The following SERPINB7 variants were observed in gnomAD, a reference collection of about 807,000 sequenced individuals.
SERPINB7 encodes serpin family B member 7.
A neutral mutation model predicts 37.4 loss-of-function variants in SERPINB7; 31 were observed. The ratio of observed to expected loss-of-function variants is 0.83; its 90% CI spans 0.62 to 1.12. The LOEUF (loss-of-function observed/expected upper bound fraction) is 1.12, where lower values mean the gene tolerates loss of function less well. SERPINB7 is among the 50% of genes most tolerant of loss of function. The pLI is 0.00. For missense variants in SERPINB7, 521 were observed against 455.3 expected (o/e 1.14, Z -1.31); for synonymous variants, 163 against 166.1 (o/e 0.98, Z 0.14).
intron 7 of SERPINB7, 30 bp from the exon 8 acceptor site, chr18:63,804,207 T>C: frequency 6.8e-7 from 1 of 1,468,910 alleles, no homozygotes; most frequent in Non-Finnish European, 9.2e-7. Context: ...GACCATATGA[T>C]TCTAAATTAT....
chr18:63,754,974 A>G (rs1192794480), intron 1 of SERPINB7, among the ~76,000 whole-genome samples: 4 of 133,880 alleles, frequency 3.0e-5, no homozygotes, highest in African/African-American at 1.1e-4. Flanking sequence ...ATCTCGGCTC[A>G]CTGCAAGCTC....
upstream of SERPINB7, among the ~76,000 whole-genome samples, chr18:63,770,426 A>G (rs1316678290): frequency 1.3e-5 from 2 of 151,884 alleles, no homozygotes; most frequent in African/African-American, 2.4e-5. Context: ...GCTTTTGTCC[A>G]GAAGTTTTAG....
At chr18:63,784,567 A>T (rs1354501081) in intron 2 of SERPINB7, among the ~76,000 whole-genome samples, 1 of 152,206 alleles carries the variant, frequency 6.6e-6, no homozygotes, top group Non-Finnish European at 1.5e-5. Flanking sequence ...AAATTTATTC[A>T]TTCATAAAAA....
Position 63,795,505 on chromosome 18 carries a change from G to A in SERPINB7, c.337-761G>A, listed in dbSNP as rs2049477280. Reference sequence around the variant, plus strand: ...GAACCCAGGAGGCAGATGTTGCAGTGAGCTGACATCACGCCATTGCACTCC... The same window carrying A: ...GAACCCAGGAGGCAGATGTTGCAGTAAGCTGACATCACGCCATTGCACTCC... On this transcript the variant is annotated intron_variant, in intron 4 of 7. Transcript: ENST00000398019. Among the ~76,000 whole-genome samples, 3 of 151,080 alleles carry A rather than the reference G, an allele frequency of 2.0e-5. No individual in the cohort carries two copies. In the South Asian group the frequency reaches 6.3e-4, roughly 32 times the overall value.
chr18:63,795,613 G>A (rs1448188917), intron 4 of SERPINB7, among the ~76,000 whole-genome samples: 1 of 151,820 alleles, frequency 6.6e-6, no homozygotes, highest in East Asian at 1.9e-4. Flanking sequence ...GAAAGTGTGG[G>A]TGGAACCTAG....
chr18:63,789,912 A>G (rs918650831), intron 2 of SERPINB7, among the ~76,000 whole-genome samples: 1 of 152,164 alleles, frequency 6.6e-6, no homozygotes, highest in Admixed American at 6.5e-5. Context: ...CTCTTCTATA[A>G]ATCAAATGCT....
intron 1 of SERPINB7, among the ~76,000 whole-genome samples, chr18:63,759,848 C>G (rs1320280673): frequency 1.3e-5 from 2 of 152,182 alleles, no homozygotes; most frequent in Non-Finnish European, 2.9e-5. Flanking sequence ...AAGTGCTTCT[C>G]ACCTCCCCCC....
chr18:63,789,123 A>G (rs2073432940), intron 2 of SERPINB7, among the ~76,000 whole-genome samples: 1 of 152,208 alleles, frequency 6.6e-6, no homozygotes, highest in African/African-American at 2.4e-5. Flanking sequence ...TTATGTCATA[A>G]TCAAATATGA....
At chr18:63,795,938 A>C (rs751829088) in intron 4 of SERPINB7, among the ~76,000 whole-genome samples, 5 of 152,196 alleles carry the variant, frequency 3.3e-5, no homozygotes, top group Non-Finnish European at 5.9e-5. Flanking sequence ...TGACACAGGC[A>C]AGGGAGACTG....
intron 2 of SERPINB7, among the ~76,000 whole-genome samples, chr18:63,791,625 T>A (rs1370927003): frequency 6.6e-6 from 1 of 152,142 alleles, no homozygotes; most frequent in Non-Finnish European, 1.5e-5. Flanking sequence ...TTTTATTTTT[T>A]TTTGAGATGG....
rs190313839 is a variant in SERPINB7 at position 63,759,348 on chromosome 18, C to A, written c.-19+6228C>A. Among the ~76,000 whole-genome samples the A allele has an allele frequency of 1.0e-3, 156 of 151,856 alleles. 1 individual carries two copies. Among genetic ancestry groups the A allele is most frequent in the African/African-American group, 3.5e-3 (147 of 41,420 alleles). ...TCAAAAATTTTCCAATTAAAATTGACAATTGGAAAATAATGTCTATTTTCC... is the reference window on the plus strand; with the variant it reads ...TCAAAAATTTTCCAATTAAAATTGAAAATTGGAAAATAATGTCTATTTTCC... On this transcript the variant is annotated intron_variant, in intron 1 of 7. Transcript: ENST00000336429.
upstream of SERPINB7, among the ~76,000 whole-genome samples, chr18:63,773,659 C>T (rs1414008516): frequency 6.6e-6 from 1 of 152,072 alleles, no homozygotes; most frequent in Non-Finnish European, 1.5e-5. Context: ...TTCATGTTTC[C>T]TCATCTATAT....
In SERPINB7 at chr18:63,782,392, C is replaced by A; in HGVS notation, c.20C>A (p.Ala7Glu). 1 of 1,612,246 alleles carries A rather than the reference C, an allele frequency of 6.2e-7. No homozygotes were observed. Among genetic ancestry groups the A allele is most frequent in the Non-Finnish European group, 8.5e-7 (1 of 1,178,938 alleles). Residue 7 changes from alanine to glutamate, a missense_variant, in exon 2 of 8, where the codon GCA (alanine) becomes GAA (glutamate). Coordinates refer to ENST00000398019, the MANE Select transcript of SERPINB7 (RefSeq NM_003784.4). MASLAA[A>E]NAEFCFNLFR... ...TTTGCAATGGCCTCCCTTGCTGCAG[C>A]AAATGCAGAGTTTTGCTTCAACCTG...
intron 1 of SERPINB7, among the ~76,000 whole-genome samples, chr18:63,779,998 G>T (rs749705339): frequency 3.9e-5 from 6 of 151,950 alleles, no homozygotes; most frequent in Non-Finnish European, 8.8e-5. Context: ...ACCCCCATTG[G>T]CCCGTGCAAG....
intron 6 of SERPINB7, among the ~76,000 whole-genome samples, chr18:63,800,429 A>C (rs79377293): frequency 0.037 from 5,614 of 152,138 alleles, 132 homozygotes; most frequent in African/African-American, 0.07. Flanking sequence ...AACCTATAGC[A>C]TTCATTTTTC....
chr18:63,779,291 T>C (rs1415604918), intron 1 of SERPINB7, among the ~76,000 whole-genome samples: 1 of 152,138 alleles, frequency 6.6e-6, no homozygotes, highest in Non-Finnish European at 1.5e-5. Context: ...CTAATTTTTA[T>C]TTATGTGTCA....
chr18:63,765,365 G>A (rs529251007), intron 1 of SERPINB7, among the ~76,000 whole-genome samples: 9 of 152,058 alleles, frequency 5.9e-5, no homozygotes, highest in South Asian at 2.1e-4. Context: ...ATGGCACTCC[G>A]TGGTCCACAT....
intron 2 of SERPINB7, among the ~76,000 whole-genome samples, chr18:63,784,418 ATCAGTC>A (rs556131879): frequency 1.1e-3 from 165 of 152,308 alleles, no homozygotes; most frequent in Non-Finnish European, 1.5e-3. Flanking sequence ...CAAAAGCAAA[ATCAGTC>A]TCCAGTTGAG....
intron 1 of SERPINB7, among the ~76,000 whole-genome samples, chr18:63,759,502 G>T (rs2049140707): frequency 6.6e-6 from 1 of 151,906 alleles, no homozygotes. Flanking sequence ...GTAGTACCAG[G>T]CTTTCCTCTT....
Sources: gnomAD v4.1 joint callset for allele counts (sites outside exome capture counted in the v4.1 genomes callset) on GRCh38, gnomAD v4.1.1 for gene constraint, MANE v1.5 for transcripts, NCBI Gene and HGNC (gene_info 2026-07-23, HGNC 2026-07-21) for gene names.